The following MTOR variants were observed in gnomAD, a reference collection of about 807,000 sequenced individuals.
The protein encoded by MTOR is serine/threonine-protein kinase mTOR.
Under a neutral mutation model 319.8 loss-of-function variants are expected in MTOR, and 70 were observed. The observed-to-expected ratio is 0.22, with a 90% CI of 0.18 to 0.27. MTOR has a LOEUF of 0.27. MTOR is among the 10% of genes least tolerant of loss of function. The pLI, the probability that MTOR is intolerant of heterozygous loss-of-function variation, is 1.00. For missense variants in MTOR, 1,890 were observed against 3,274.4 expected, an observed-to-expected ratio of 0.58 and a Z score of 10.32; for synonymous variants, 1,183 against 1,211.4, an observed-to-expected ratio of 0.98 and a Z score of 0.49.
Position 11,228,828 on chromosome 1 carries a change from C to T in MTOR, c.2870G>A (p.Arg957Gln), listed in dbSNP as rs1201340871. Reference protein sequence around the residue: ...YPAVSMVALMRIFRDQSLSHH... With the variant: ...YPAVSMVALMQIFRDQSLSHH... ...AGAGAGTGACTGGTCTCGGAAGATCCGCATCAGGGCCACCATGGACACAGC... is the reference window on the plus strand; with the variant it reads ...AGAGAGTGACTGGTCTCGGAAGATCTGCATCAGGGCCACCATGGACACAGC... The change falls in exon 19 of 58, where the codon CGG (arginine) becomes CAG (glutamine). Residue 957 changes from arginine to glutamine, a missense_variant. This residue lies in a region of MTOR where 377 missense variants were observed against 653.9 expected (regional missense o/e 0.58). Transcript: ENST00000361445. 3 of 1,614,098 alleles carry T rather than the reference C, an allele frequency of 1.9e-6. No homozygotes were observed. The highest frequency in any genetic ancestry group is 2.5e-6 in the Non-Finnish European group (3 of 1,180,010).
Position 11,238,751 on chromosome 1 carries a change from T to G in MTOR, c.1787-134A>C. 4.3e-6 allele frequency: 3 copies of G among 694,458 alleles called. 1 individual carries two copies. Among genetic ancestry groups the G allele is most frequent in the East Asian group, 5.6e-5 (2 of 35,868 alleles). 43.0% of individuals were successfully genotyped at this position (694,458 alleles called of 1,614,324 possible). A position where few individuals can be genotyped will look rare whatever the true frequency, so the allele number is the denominator to read the frequency against. ...AACTAGATATTGATCAATACGATAC[T>G]GACCCGGAACTCTTCTTTTTTTTTT... is the stretch of plus-strand genomic sequence containing the variant. On this transcript the variant is annotated intron_variant, in intron 11 of 57. Transcript: ENST00000361445.
intron 49 of MTOR, among the ~76,000 whole-genome samples, chr1:11,119,573 GAAAA>G (rs555425607): frequency 2.0e-4 from 5 of 24,864 alleles, no homozygotes; most frequent in Non-Finnish European, 2.8e-4. Flanking sequence ...TCCGTCTCGA[GAAAA>G]AAAAAAAAAA....
At chr1:11,226,053 A>C (rs1217884472) in intron 19 of MTOR, among the ~76,000 whole-genome samples, 1 of 152,218 alleles carries the variant, frequency 6.6e-6, no homozygotes, top group East Asian at 1.9e-4. Context: ...TTAAAAATAC[A>C]TTATAACCAA....
Position 11,199,206 on chromosome 1 carries a change from A to G in MTOR, c.4253+52T>C, listed in dbSNP as rs1645884113. 4 of 1,612,530 alleles carry G rather than the reference A, an allele frequency of 2.5e-6. No individual in the cohort carries two copies. In the East Asian group the frequency reaches 6.7e-5, roughly 27 times the overall value. ...GTGAAGTGGCACCAGGCAGTGGGAG[A>G]AGAGAGGTCATTTTGCATGAAGGCA... On this transcript the variant is annotated intron_variant, in intron 28 of 57. Transcript: ENST00000361445. This position sits in a 1 kb window ranked among gnomAD's most constrained non-coding sequence, Gnocchi z 4.5.
At chr1:11,123,797 T>A (rs926042158) in intron 47 of MTOR, among the ~76,000 whole-genome samples, 3 of 151,920 alleles carry the variant, frequency 2.0e-5, no homozygotes. Context: ...CTTTAGTTAT[T>A]TATTTTTGAG....
intron 26 of MTOR, among the ~76,000 whole-genome samples, chr1:11,200,811 C>G (rs371045385): frequency 3.3e-5 from 5 of 151,826 alleles, no homozygotes; most frequent in South Asian, 2.1e-4. Context: ...GTCAGGAGAT[C>G]GAGACCATCC....
Position 11,239,943 on chromosome 1 carries a change from C to T in MTOR, c.1786+360G>A, listed in dbSNP as rs539283347. ...AGAAAGAAAAAAGAAATCATACTGCCATAGACATGGAAACACCCAAAAGCC... is the reference window on the plus strand; with the variant it reads ...AGAAAGAAAAAAGAAATCATACTGCTATAGACATGGAAACACCCAAAAGCC... On this transcript the variant is annotated intron_variant, in intron 11 of 57. Coordinates refer to ENST00000361445, the MANE Select transcript of MTOR (RefSeq NM_004958.4). 2.0e-5 allele frequency among the ~76,000 whole-genome samples: 3 copies of T among 151,736 alleles called. No individual in the cohort carries two copies. The South Asian group carries it at 6.3e-4, about 32-fold the overall frequency.
Position 11,183,525 on chromosome 1 carries a change from T to C in MTOR, c.4253+15733A>G, listed in dbSNP as rs181230840. Among the ~76,000 whole-genome samples, 19 of 152,322 alleles carry C rather than the reference T, an allele frequency of 1.2e-4. No individual in the cohort carries two copies. In the East Asian group the frequency reaches 3.5e-3, roughly 28 times the overall value. Reference sequence around the variant, plus strand: ...CTCTGGGTATAATACATATACAATATTGAAGATAATAGAAATATTTCTTGC... The same window carrying C: ...CTCTGGGTATAATACATATACAATACTGAAGATAATAGAAATATTTCTTGC... On this transcript the variant is annotated intron_variant, in intron 28 of 57. Transcript: ENST00000361445.
At chr1:11,217,608 T>G (rs1646514498) in intron 19 of MTOR, among the ~76,000 whole-genome samples, 1 of 151,202 alleles carries the variant, frequency 6.6e-6, no homozygotes, top group Admixed American at 6.6e-5. Flanking sequence ...AGACAGGGTT[T>G]CACCGTGTTA....
At chr1:11,161,368 G>T (rs1429032637) in intron 29 of MTOR, among the ~76,000 whole-genome samples, 1 of 152,226 alleles carries the variant, frequency 6.6e-6, no homozygotes, top group Non-Finnish European at 1.5e-5. Flanking sequence ...GCAGGGCATA[G>T]CTGAACAAAA....
intron 28 of MTOR, among the ~76,000 whole-genome samples, chr1:11,184,608 G>A (rs1645255669): frequency 6.6e-6 from 1 of 152,206 alleles, no homozygotes; most frequent in South Asian, 2.1e-4. Flanking sequence ...GTGTGCGCTT[G>A]TATTCCCAGC....
Position 11,121,331 on chromosome 1 carries a change from T to G in MTOR, c.6848A>C (p.Lys2283Thr). Reference protein sequence around the residue: ...PDYDHLTLMQKVEVFEHAVNN... With the variant: ...PDYDHLTLMQTVEVFEHAVNN... ...GACGGCATGCTCAAACACCTCCACC[T>G]TCTGCATCAGAGTCAAGTGGTCATA... is the stretch of plus-strand genomic sequence containing the variant. The change falls in exon 49 of 58, where the codon AAG becomes ACG. Residue 2283 changes from lysine to threonine, a missense_variant. Coordinates refer to ENST00000361445, the MANE Select transcript of MTOR (RefSeq NM_004958.4). This position sits in a 1 kb window ranked among gnomAD's most constrained non-coding sequence, Gnocchi z 4.9. 6.2e-7 allele frequency: 1 copy of G among 1,614,150 alleles called. No individual in the cohort carries two copies. Among genetic ancestry groups the G allele is most frequent in the Non-Finnish European group, 8.5e-7 (1 of 1,180,034 alleles).
chr1:11,199,329 G>A lies in MTOR; in HGVS notation c.4182C>T (p.Ala1394=), dbSNP rs768482575. Residue 1394 remains alanine (A), a synonymous_variant, in exon 28 of 58, where the codon GCC becomes GCT. Transcript: ENST00000361445. This position sits in a 1 kb window ranked among gnomAD's most constrained non-coding sequence, Gnocchi z 4.5. The part of the protein sequence containing the change: ...GERAAKCRAY[A]KALHYKELEF... ...CCAGTTCTTTGTAGTGTAGTGCTTT[G>A]GCATATGCTCGGCACTTGGCAGCTC... is the stretch of plus-strand genomic sequence containing the variant. 3 of 1,614,148 alleles carry A rather than the reference G, an allele frequency of 1.9e-6. No homozygotes were observed. The Admixed American group carries it at 5.0e-5, about 27-fold the overall frequency.
chr1:11,201,870 G>A lies in MTOR; in HGVS notation c.3945-2167C>T, dbSNP rs142332830. 4.0e-3 allele frequency among the ~76,000 whole-genome samples: 610 copies of A among 152,232 alleles called. 5 individuals carry two copies. Among genetic ancestry groups the A allele is most frequent in the African/African-American group, 0.014 (593 of 41,552 alleles). ...CATCTAGGCTGGAATGCAGGGGCAC[G>A]ATTGTGGCTCTCTGCAGCCTCTAAA... On this transcript the variant is annotated intron_variant, in intron 26 of 57. Coordinates refer to ENST00000361445, the MANE Select transcript of MTOR (RefSeq NM_004958.4).
intron 53 of MTOR, among the ~76,000 whole-genome samples, chr1:11,114,101 T>C (rs1210922906): frequency 1.3e-5 from 2 of 152,210 alleles, no homozygotes; most frequent in African/African-American, 4.8e-5. Flanking sequence ...CTTTCCTTTA[T>C]AAATTACCCA....
intron 13 of MTOR, 137 bp from the exon 14 acceptor site, chr1:11,234,402 C>T: frequency 2.1e-6 from 2 of 969,110 alleles, no homozygotes; most frequent in Non-Finnish European, 3.1e-6. Flanking sequence ...GCTAGATACT[C>T]AATGAGCAAC....
chr1:11,117,895 C>G (rs1642257388), intron 49 of MTOR, among the ~76,000 whole-genome samples: 1 of 152,012 alleles, frequency 6.6e-6, no homozygotes, highest in Admixed American at 6.5e-5. Flanking sequence ...GCCTGACCAA[C>G]ATGGTGAAAT....
At chr1:11,227,085 G>A (rs1191776327) in intron 19 of MTOR, among the ~76,000 whole-genome samples, 7 of 151,404 alleles carry the variant, frequency 4.6e-5, no homozygotes, top group Non-Finnish European at 1.0e-4. Context: ...ATCACCTGAG[G>A]TTAGGAGCTC....
chr1:11,107,305 C>T lies in MTOR; in HGVS notation c.*180G>A, dbSNP rs1490783625. 29 of 1,477,852 alleles carry T rather than the reference C, an allele frequency of 2.0e-5. No individual in the cohort carries two copies. The highest frequency in any genetic ancestry group is 9.9e-6 in the Non-Finnish European group (11 of 1,115,862). 91.5% of individuals were successfully genotyped at this position (1,477,852 alleles called of 1,614,324 possible). ...AGCCTTGTGTTTCTGACAATATATT[C>T]TTCAACAGCAGCTAGAAAGTTGGTT... On this transcript the variant is annotated 3_prime_UTR_variant, in exon 58 of 58. Coordinates refer to ENST00000361445, the MANE Select transcript of MTOR (RefSeq NM_004958.4).
Sources: gnomAD v4.1 joint callset for allele counts (sites outside exome capture counted in the v4.1 genomes callset) on GRCh38, gnomAD v4.1.1 for gene constraint, gnomAD v4.1.1 regional missense constraint, Gnocchi (gnomAD v3.1) non-coding constraint, MANE v1.5 for transcripts, NCBI Gene and HGNC (gene_info 2026-07-23, HGNC 2026-07-21) for gene names.